Variants in KLRG1 observed in about 807,000 individuals in gnomAD.
KLRG1 encodes the protein killer cell lectin like receptor G1.
Under a neutral mutation model 21.8 loss-of-function variants are expected in KLRG1, and 16 were observed. The ratio of observed to expected loss-of-function variants is 0.73; its 90% CI spans 0.50 to 1.11. The LOEUF is 1.11. KLRG1 is among the 50% of genes most tolerant of loss of function. The pLI is 0.00. For synonymous variants in KLRG1, 69 were observed against 75.9 expected (o/e 0.91, Z 0.47); for missense variants, 173 against 218.3 (o/e 0.79, Z 1.31).
At chr12:9,028,958 G>A in the KLRG1 span, 21 of 625,826 alleles carry the variant, frequency 3.4e-5, no homozygotes, top group Admixed American at 2.8e-4. Flanking sequence ...CTCTCATTAC[G>A]GCACAGTCCG....
intron 1 of KLRG1, 34 bp from the exon 2 acceptor site, chr12:8,992,172 G>A: frequency 6.5e-7 from 1 of 1,542,552 alleles, no homozygotes; most frequent in Non-Finnish European, 8.9e-7. Flanking sequence ...CCTGTCATCT[G>A]ACTCAGGATT....
the KLRG1 span, among the ~76,000 whole-genome samples, chr12:9,185,958 C>G: frequency 6.6e-6 from 1 of 151,794 alleles, no homozygotes; most frequent in Non-Finnish European, 1.5e-5. Flanking sequence ...CAGGCGTGCA[C>G]CATCACACCT....
chr12:9,178,276 A>G, the KLRG1 span, among the ~76,000 whole-genome samples: 3 of 152,186 alleles, frequency 2.0e-5, no homozygotes, highest in African/African-American at 7.2e-5. Context: ...TTCCTGCTTC[A>G]TCTTGCTCGG....
the KLRG1 span, among the ~76,000 whole-genome samples, chr12:9,094,642 G>T: frequency 2.0e-5 from 3 of 151,948 alleles, no homozygotes; most frequent in Non-Finnish European, 4.4e-5. Context: ...AATGTGTGTG[G>T]TTCCAACATA....
At chr12:9,160,636 T>A in the KLRG1 span, 2 of 774,232 alleles carry the variant, frequency 2.6e-6, no homozygotes, top group Admixed American at 5.7e-5. Flanking sequence ...AGAATCCTAA[T>A]AAGAATAGCA....
rs1218555573 is a variant in KLRG1 at position 9,010,039 on chromosome 12, TA to T, written c.*503del. On this transcript the variant is annotated 3_prime_UTR_variant, in exon 5 of 5. Transcript: ENST00000356986. ...CAAGCTTTATTCTGAAGAATAAACC[TA>T]GCTGGCATGCTGGTGTGTACCTGTA... 6.5e-7 allele frequency: 1 copy of T among 1,530,884 alleles called. No individual in the cohort carries two copies. The highest frequency in any genetic ancestry group is 8.7e-7 in the Non-Finnish European group (1 of 1,143,404). 94.8% of individuals were successfully genotyped at this position (1,530,884 alleles called of 1,614,324 possible).
chr12:9,213,264 G>A, the KLRG1 span, among the ~76,000 whole-genome samples: 5 of 152,100 alleles, frequency 3.3e-5, no homozygotes, highest in Non-Finnish European at 2.9e-5. Context: ...ATTAGCTATT[G>A]TGAATAATTC....
chr12:9,196,344 G>A, the KLRG1 span: 1 of 1,609,496 alleles, frequency 6.2e-7, no homozygotes, highest in Non-Finnish European at 8.5e-7. Context: ...GCAAAAAAGG[G>A]GATTCCTTGT....
At chr12:8,950,815 C>G (rs1343362910) in intron 1 of KLRG1, among the ~76,000 whole-genome samples, 1 of 152,012 alleles carries the variant, frequency 6.6e-6, no homozygotes, top group Non-Finnish European at 1.5e-5. Context: ...TATCTTATCC[C>G]AAGTTTACAG....
intron 1 of KLRG1, among the ~76,000 whole-genome samples, chr12:8,957,362 C>T (rs756585208): frequency 3.9e-5 from 6 of 152,308 alleles, no homozygotes; most frequent in African/African-American, 1.4e-4. Flanking sequence ...TAACGAAGCA[C>T]TTACCGTGGC....
At chr12:9,101,618 G>T in the KLRG1 span, 1 of 1,613,908 alleles carries the variant, frequency 6.2e-7, no homozygotes, top group South Asian at 1.1e-5. Context: ...GTGCCTCTTC[G>T]TGTTCTTCTG....
At chr12:9,185,152 T>G in the KLRG1 span, among the ~76,000 whole-genome samples, 2 of 152,200 alleles carry the variant, frequency 1.3e-5, no homozygotes, top group Non-Finnish European at 2.9e-5. Context: ...AGGAGAATGT[T>G]GAAACCTAAT....
At chr12:8,988,890 C>A (rs888233513), upstream of KLRG1, among the ~76,000 whole-genome samples, 1 of 152,082 alleles carries the variant, frequency 6.6e-6, no homozygotes, top group Non-Finnish European at 1.5e-5. Flanking sequence ...CCTACTCTAA[C>A]TTTTTATTAA....
chr12:9,074,659 G>A, the KLRG1 span: 1 of 1,613,918 alleles, frequency 6.2e-7, no homozygotes, highest in African/African-American at 1.3e-5. Context: ...GGGCTGGCTG[G>A]GCCGTGAGAT....
the KLRG1 span, chr12:9,158,363 C>T: frequency 0.92 from 1,462,852 of 1,594,454 alleles, 673,797 homozygotes; most frequent in East Asian, 0.96. Flanking sequence ...CTCCCTTCAC[C>T]CCTGGGGGAT....
At chr12:9,121,335 G>A in the KLRG1 span, among the ~76,000 whole-genome samples, 2 of 152,160 alleles carry the variant, frequency 1.3e-5, no homozygotes, top group South Asian at 2.1e-4. This position sits in a 1 kb window ranked among gnomAD's most constrained non-coding sequence, Gnocchi z 4.4. Context: ...GAGGTCAAGA[G>A]ATTGAGACCA....
the KLRG1 span, chr12:9,168,556 A>C: frequency 4.1e-6 from 1 of 242,336 alleles, no homozygotes; most frequent in East Asian, 8.4e-5. Flanking sequence ...CATCCCTATG[A>C]ATGTCTTTCC....
chr12:9,049,093 T>C, the KLRG1 span, among the ~76,000 whole-genome samples: 3,408 of 152,322 alleles, frequency 0.022, 120 homozygotes, highest in African/African-American at 0.077. Flanking sequence ...TCTTTTAGTC[T>C]GGACAGAGAA....
At chr12:9,164,271 T>C in the KLRG1 span, 13 of 1,611,216 alleles carry the variant, frequency 8.1e-6, no homozygotes, top group South Asian at 7.7e-5. Context: ...TATCACCCCA[T>C]GTGAGGCAGA....
Sources: allele counts gnomAD v4.1 joint callset (sites outside exome capture counted in the v4.1 genomes callset), GRCh38; gene constraint gnomAD v4.1.1; non-coding constraint Gnocchi (gnomAD v3.1); transcripts MANE v1.5; gene names NCBI Gene and HGNC (gene_info 2026-07-23, HGNC 2026-07-21).